HEATR5B: variants seen among roughly 807,000 people sequenced by gnomAD.
HEATR5B encodes the protein HEAT repeat containing 5B.
In HEATR5B, 156 loss-of-function variants were observed where a neutral mutation model predicts 224.1. That is an observed-to-expected ratio of 0.70 (90% CI 0.61 to 0.80). The LOEUF is 0.80. Ranked by LOEUF, HEATR5B falls within the 30% of genes least tolerant of loss-of-function variation. The pLI, the probability that HEATR5B is intolerant of heterozygous loss-of-function variation, is 0.00. For missense variants in HEATR5B, 2,323 were observed against 2,535.5 expected (o/e 0.92, Z 1.80); for synonymous variants, 1,027 against 893.0 (o/e 1.15, Z -2.68).
rs370359832 is a variant in HEATR5B, at chr2:37,005,588, C to CA, written c.4905+43dup. The CA allele has an allele frequency of 3.3e-3, 4,994 of 1,523,610 alleles. 51 individuals carry two copies. Among genetic ancestry groups the CA allele is most frequent in the South Asian group, 0.033 (2,733 of 83,884 alleles). The allele number at this position is 1,523,610 out of a possible 1,614,324, so 94.4% of individuals were successfully genotyped here. ...CTTTTTTCCATTGTAAAGCAATACTCAAAAAAAAACCACACAAGTATCTAT... is the reference window on the plus strand; with the variant it reads ...CTTTTTTCCATTGTAAAGCAATACTCAAAAAAAAAACCACACAAGTATCTAT... On this transcript the variant is annotated intron_variant, in intron 30 of 35. Coordinates refer to ENST00000233099, the MANE Select transcript of HEATR5B (RefSeq NM_019024.3).
At chr2:37,045,025 T>G (rs578187104) in intron 18 of HEATR5B, among the ~76,000 whole-genome samples, 1 of 152,332 alleles carries the variant, frequency 6.6e-6, no homozygotes, top group Admixed American at 6.5e-5. Flanking sequence ...TCCTATCCAG[T>G]GCATTTTTTC....
At chr2:37,048,873 A>G (rs1237009673) in intron 18 of HEATR5B, among the ~76,000 whole-genome samples, 2 of 152,194 alleles carry the variant, frequency 1.3e-5, no homozygotes, top group Non-Finnish European at 2.9e-5. Context: ...AATTCAGAAA[A>G]TACATTTTCT....
chr2:37,020,576 G>T, intron 25 of HEATR5B, 79 bp downstream of exon 25: 1 of 1,025,326 alleles, frequency 9.8e-7, no homozygotes, highest in Non-Finnish European at 1.4e-6. Flanking sequence ...TCCAAATGCA[G>T]TCCTCCAGGA....
chr2:37,033,629 C>A (rs1390084136), intron 21 of HEATR5B, among the ~76,000 whole-genome samples: 1 of 152,112 alleles, frequency 6.6e-6, no homozygotes, highest in Non-Finnish European at 1.5e-5. Context: ...GAATATAGTA[C>A]ACTCTAAAAC....
intron 26 of HEATR5B, among the ~76,000 whole-genome samples, chr2:37,019,056 G>T (rs1225373224): frequency 6.6e-6 from 1 of 151,918 alleles, no homozygotes; most frequent in African/African-American, 2.4e-5. Context: ...TACTCAGGAG[G>T]CCGAGGCAGA....
intron 22 of HEATR5B, 132 bp downstream of exon 22, chr2:37,032,497 G>A (rs9309001): frequency 1.2e-6 from 1 of 840,364 alleles, no homozygotes; most frequent in Non-Finnish European, 1.8e-6. Context: ...TTTAAAAGTG[G>A]TAATGGTTTT....
intron 5 of HEATR5B, among the ~76,000 whole-genome samples, chr2:37,073,671 G>C (rs1046050989): frequency 4.6e-5 from 7 of 152,152 alleles, no homozygotes; most frequent in African/African-American, 1.7e-4. Flanking sequence ...AAAATAAATG[G>C]AGAGATATAT....
chr2:37,064,993 A>G lies in HEATR5B; in HGVS notation c.1334-3T>C. The G allele has an allele frequency of 1.9e-6, 3 of 1,613,272 alleles. No homozygotes were observed. The highest frequency in any genetic ancestry group is 1.1e-5 in the South Asian group (1 of 91,068). On this transcript the variant is annotated splice_polypyrimidine_tract_variant and splice_region_variant and intron_variant, in intron 9 of 35. Coordinates refer to ENST00000233099, the MANE Select transcript of HEATR5B (RefSeq NM_019024.3). ...TGAAGTCACAATCTCCAAAAGCCCTAAACAAGAAATACTCAAAATATTACT... is the reference window on the plus strand; with the variant it reads ...TGAAGTCACAATCTCCAAAAGCCCTGAACAAGAAATACTCAAAATATTACT...
chr2:37,013,766 C>G (rs1057081593), intron 27 of HEATR5B, 75 bp downstream of exon 27: 18 of 1,312,536 alleles, frequency 1.4e-5, no homozygotes, highest in Non-Finnish European at 1.8e-5. Context: ...ATTTTTTTAC[C>G]AACAAGAGTA....
intron 5 of HEATR5B, among the ~76,000 whole-genome samples, chr2:37,073,114 T>C (rs1481576202): frequency 2.6e-5 from 4 of 152,214 alleles, no homozygotes; most frequent in Non-Finnish European, 5.9e-5. Context: ...CAGTATCACC[T>C]TGATGCTGAA....
Position 37,005,567 on chromosome 2 carries a change from T to C in HEATR5B, c.4905+65A>G. The stretch of plus-strand genomic sequence containing the variant: ...AATACAGAAAAAAAATCCATCCTTT[T>C]TTCCATTGTAAAGCAATACTCAAAA... On this transcript the variant is annotated intron_variant, in intron 30 of 35. Transcript: ENST00000233099. 3 of 1,475,668 alleles carry C rather than the reference T, an allele frequency of 2.0e-6. No homozygotes were observed. The South Asian group carries it at 3.6e-5, about 17-fold the overall frequency. The allele number at this position is 1,475,668 out of a possible 1,614,324, so 91.4% of individuals were successfully genotyped here. A position where few individuals can be genotyped will look rare whatever the true frequency, so the allele number is the denominator to read the frequency against.
chr2:37,045,409 G>C (rs905969772), intron 18 of HEATR5B, among the ~76,000 whole-genome samples: 7 of 152,054 alleles, frequency 4.6e-5, no homozygotes, highest in African/African-American at 1.4e-4. Flanking sequence ...TTTTCTCAAG[G>C]CTTGCTTTTA....
chr2:37,037,920 G>T lies in HEATR5B; in HGVS notation c.3151C>A (p.Leu1051Ile). 1 of 1,600,728 alleles carries T rather than the reference G, an allele frequency of 6.2e-7. No homozygotes were observed. Among genetic ancestry groups the T allele is most frequent in the Non-Finnish European group, 8.5e-7 (1 of 1,171,626 alleles). Residue 1051 changes from leucine (L) to isoleucine (I), a missense_variant, in exon 21 of 36, where the codon CTT becomes ATT. Around this residue, in one of 12 missense-constraint regions of HEATR5B, gnomAD observed 88 missense variants for 86.8 expected, o/e 1.01. Coordinates refer to ENST00000233099, the MANE Select transcript of HEATR5B (RefSeq NM_019024.3). The part of the protein sequence containing the change: ...SLVQAAAISC[L>I]QQLHMFAPRH... ...GGTGCAAACATGTGAAGCTGCTGAA[G>T]GCAAGATATGGCAGCTGCCTGAACA...
intron 33 of HEATR5B, among the ~76,000 whole-genome samples, chr2:36,996,788 C>T (rs1184962990): frequency 2.0e-5 from 3 of 152,066 alleles, no homozygotes; most frequent in Non-Finnish European, 4.4e-5. Context: ...GACAGGGTTT[C>T]TCCATGTTGG....
chr2:37,016,881 A>T (rs969721012), intron 26 of HEATR5B, among the ~76,000 whole-genome samples: 2 of 152,226 alleles, frequency 1.3e-5, no homozygotes, highest in African/African-American at 4.8e-5. Flanking sequence ...GGAGATACTG[A>T]TGGCAAAACT....
At chr2:37,003,503 T>C in intron 31 of HEATR5B, 39 bp downstream of exon 31, 1 of 1,403,394 alleles carries the variant, frequency 7.1e-7, no homozygotes, top group Admixed American at 2.0e-5. Flanking sequence ...GAGTATAAAA[T>C]AAGATTTACT....
At chr2:36,993,976 A>C (rs2148346243) in intron 33 of HEATR5B, among the ~76,000 whole-genome samples, 1 of 152,264 alleles carries the variant, frequency 6.6e-6, no homozygotes, top group East Asian at 1.9e-4. Context: ...GACTAAAAAA[A>C]AAGAAAAGGG....
rs751479946 is a variant in HEATR5B at position 36,981,449 on chromosome 2, G to T, written c.*41C>A. The T allele has an allele frequency of 1.3e-6, 2 of 1,488,936 alleles. No individual in the cohort carries two copies. Among genetic ancestry groups the T allele is most frequent in the African/African-American group, 2.8e-5 (2 of 71,372 alleles). The allele number at this position is 1,488,936 out of a possible 1,614,324, so 92.2% of individuals were successfully genotyped here. A position where few individuals can be genotyped will look rare whatever the true frequency, so the allele number is the denominator to read the frequency against. ...GATACAGTGGCCATCACTAATTAGG[G>T]GCTAGTTGACAACATAAATACAAAT... On this transcript the variant is annotated 3_prime_UTR_variant, in exon 36 of 36. Coordinates refer to ENST00000233099, the MANE Select transcript of HEATR5B (RefSeq NM_019024.3).
rs766180988 is a variant in HEATR5B at position 37,005,695 on chromosome 2, G to A, written c.4842C>T (p.Cys1614=). The A allele has an allele frequency of 1.9e-6, 3 of 1,611,738 alleles. No homozygotes were observed. The highest frequency in any genetic ancestry group is 2.2e-5 in the East Asian group (1 of 44,856). Residue 1614 remains cysteine, a synonymous_variant, in exon 30 of 36, where the codon TGC becomes TGT. Coordinates refer to ENST00000233099, the MANE Select transcript of HEATR5B (RefSeq NM_019024.3). ...CTAGCAAGGTATGTAAGGCCTGCAGGCATGCTGTAACATGTTCAATGGGCT... is the reference window on the plus strand; with the variant it reads ...CTAGCAAGGTATGTAAGGCCTGCAGACATGCTGTAACATGTTCAATGGGCT... ...PEEPIEHVTA[C]LQALHTLLDS... is the part of the protein sequence containing the mutation.
Sources: gnomAD v4.1 joint callset for allele counts (sites outside exome capture counted in the v4.1 genomes callset) on GRCh38, gnomAD v4.1.1 for gene constraint, gnomAD v4.1.1 regional missense constraint, MANE v1.5 for transcripts, NCBI Gene and HGNC (gene_info 2026-07-23, HGNC 2026-07-21) for gene names.